TMC8: variants seen among roughly 807,000 people sequenced by gnomAD.
TMC8 encodes transmembrane channel like 8.
TMC8 carries 71 observed loss-of-function variants against 76.0 expected under a neutral mutation model. The ratio of observed to expected loss-of-function variants is 0.93; its 90% CI spans 0.77 to 1.14. The LOEUF is 1.14. TMC8 is among the 50% of genes most tolerant of loss of function. TMC8 has a pLI of 0.00. For synonymous variants in TMC8, 433 were observed against 433.8 expected (o/e 1.00, Z 0.02); for missense variants, 924 against 947.9 (o/e 0.97, Z 0.33).
chr17:78,137,083 G>T, intron 9 of TMC8, 152 bp from the exon 10 acceptor site: 3 of 1,216,730 alleles, frequency 2.5e-6, no homozygotes, highest in Non-Finnish European at 3.5e-6. Flanking sequence ...AACGCACTTT[G>T]GACCACATTG....
At position 78,134,363 on chromosome 17, in the gene TMC8, C is replaced by T. The variant is rs374229711; in HGVS notation, c.817-31C>T. ...TTTCCTCCCATGCCCACCCCGCCTG[C>T]AGCTGCCTCTGTCCCCACCCTTCCG... On this transcript the variant is annotated intron_variant, in intron 7 of 15. Coordinates refer to ENST00000318430, the MANE Select transcript of TMC8 (RefSeq NM_152468.5). 1.9e-5 allele frequency: 31 copies of T among 1,604,420 alleles called. No homozygotes were observed. The African/African-American group carries it at 4.0e-4, about 21-fold the overall frequency.
chr17:78,133,920 G>A lies in TMC8; in HGVS notation c.736G>A (p.Val246Ile), dbSNP rs373643486. The A allele has an allele frequency of 6.2e-7, 1 of 1,613,638 alleles. No homozygotes were observed. Among genetic ancestry groups the A allele is most frequent in the South Asian group, 1.1e-5 (1 of 91,090 alleles). Residue 246 changes from valine (V) to isoleucine (I), a missense_variant, in exon 7 of 16, where the codon GTC becomes ATC. Physicochemically the swap from Val to Ile is conservative, Grantham distance 29 (BLOSUM62 3). Coordinates refer to ENST00000318430, the MANE Select transcript of TMC8 (RefSeq NM_152468.5). ...CTATCAGGCGCCTCTCAGCGCCAAG[G>A]TCTTCTCCTCATGGGACTTCTGCAT... ...QGYQAPLSAKVFSSWDFCIRV... is the reference protein window; with the variant it reads ...QGYQAPLSAKIFSSWDFCIRV...
chr17:78,138,104 G>A lies in TMC8; in HGVS notation c.1449G>A (p.Thr483=), dbSNP rs762149608. The A allele has an allele frequency of 1.1e-5, 17 of 1,613,966 alleles. No individual in the cohort carries two copies. Among genetic ancestry groups the A allele is most frequent in the Admixed American group, 6.7e-5 (4 of 60,024 alleles). Residue 483 remains threonine, a synonymous_variant, in exon 12 of 16, where the codon ACG becomes ACA. Coordinates refer to ENST00000318430, the MANE Select transcript of TMC8 (RefSeq NM_152468.5). ...KNVLDIVAGQ[T]VTWMGLFYCP... is the part of the protein sequence containing the mutation. Reference sequence around the variant, plus strand: ...TGCTGGACATCGTGGCGGGGCAGACGGTCACCTGGATGGGCCTCTTCTACT... The same window carrying A: ...TGCTGGACATCGTGGCGGGGCAGACAGTCACCTGGATGGGCCTCTTCTACT...
intron 8 of TMC8, 42 bp from the exon 9 acceptor site, chr17:78,134,828 C>T (rs751446378): frequency 1.9e-6 from 3 of 1,610,540 alleles, no homozygotes; most frequent in East Asian, 4.5e-5. Context: ...CAGACAGGGG[C>T]CCCCCAGCAC....
chr17:78,131,471 C>G lies in TMC8; in HGVS notation c.-118C>G. Reference sequence around the variant, plus strand: ...CCGGCGCAGAGGGGACGGAAGGGCCCGCCCCCAGCCCAGCGTGCACAGAGG... The same window carrying G: ...CCGGCGCAGAGGGGACGGAAGGGCCGGCCCCCAGCCCAGCGTGCACAGAGG... On this transcript the variant is annotated 5_prime_UTR_variant, in exon 2 of 16. Transcript: ENST00000318430. The G allele has an allele frequency of 7.0e-7, 1 of 1,428,152 alleles. No individual in the cohort carries two copies. Among genetic ancestry groups the G allele is most frequent in the Non-Finnish European group, 9.5e-7 (1 of 1,052,252 alleles). 88.5% of individuals were successfully genotyped at this position (1,428,152 alleles called of 1,614,324 possible). A position where few individuals can be genotyped will look rare whatever the true frequency, so the allele number is the denominator to read the frequency against.
chr17:78,135,218 C>T (rs1383895509), intron 9 of TMC8, among the ~76,000 whole-genome samples: 1 of 152,206 alleles, frequency 6.6e-6, no homozygotes, highest in Non-Finnish European at 1.5e-5. Flanking sequence ...CCAAAGGAAG[C>T]CGCCAGTCTG....
At chr17:78,130,917 C>G (rs1568010161) in intron 1 of TMC8, 66 bp downstream of exon 1, 1 of 158,936 alleles carries the variant, frequency 6.3e-6, no homozygotes, top group Non-Finnish European at 1.4e-5. Flanking sequence ...AGCTAGAGCC[C>G]TGCAAGGGTA....
At chr17:78,137,962 T>G (rs1567803616) in intron 11 of TMC8, 43 bp from the exon 12 acceptor site, 3 of 1,611,598 alleles carry the variant, frequency 1.9e-6, no homozygotes, top group Admixed American at 3.3e-5. Flanking sequence ...AGCCCACGCA[T>G]CTGTCTGGAG....
intron 6 of TMC8, 147 bp downstream of exon 6, chr17:78,133,689 G>C (rs993338508): frequency 6.5e-7 from 1 of 1,532,554 alleles, no homozygotes; most frequent in Non-Finnish European, 8.8e-7. Context: ...GGCTCTGGCC[G>C]CAAACCTTAG....
At chr17:78,136,929 T>G in intron 9 of TMC8, 1 of 377,706 alleles carries the variant, frequency 2.6e-6, no homozygotes, top group South Asian at 2.2e-5. Flanking sequence ...AGAAATCGCT[T>G]GAACCCAGGA....
In TMC8 at chr17:78,137,296, C is replaced by T. The variant is rs1394318416; in HGVS notation, c.1189C>T (p.Leu397=). The part of the protein sequence containing the change: ...MFSVSLGQTI[L]CIGRDKSSCE... ...CTCCGTCTCCCTGGGTCAGACCATA[C>T]TGTGCATTGGCAGAGACAAGAGCAG... The change falls in exon 10 of 16, where the codon CTG becomes TTG. Residue 397 remains leucine (L), a synonymous_variant. Coordinates refer to ENST00000318430, the MANE Select transcript of TMC8 (RefSeq NM_152468.5). 6.2e-7 allele frequency: 1 copy of T among 1,614,038 alleles called. No homozygotes were observed. Among genetic ancestry groups the T allele is most frequent in the South Asian group, 1.1e-5 (1 of 91,086 alleles).
chr17:78,131,600 G>A lies in TMC8; in HGVS notation c.12G>A (p.Pro4=). 2 of 1,546,834 alleles carry A rather than the reference G, an allele frequency of 1.3e-6. No individual in the cohort carries two copies. Among genetic ancestry groups the A allele is most frequent in the Non-Finnish European group, 8.7e-7 (1 of 1,147,138 alleles). Reference sequence around the variant, plus strand: ...CCGTGCCCGCCGAGATGCTGCTGCCGCGGTCGGTGTCATCGGAGCGGGCCC... The same window carrying A: ...CCGTGCCCGCCGAGATGCTGCTGCCACGGTCGGTGTCATCGGAGCGGGCCC... MLL[P]RSVSSERAPG... is the part of the protein sequence containing the mutation. The change falls in exon 2 of 16, where the codon CCG becomes CCA. Residue 4 remains proline, a synonymous_variant. Coordinates refer to ENST00000318430, the MANE Select transcript of TMC8 (RefSeq NM_152468.5).
chr17:78,140,655 TG>T (rs2075351731), intron 15 of TMC8, among the ~76,000 whole-genome samples, 178 bp from the exon 16 acceptor site: 1 of 147,488 alleles, frequency 6.8e-6, no homozygotes, highest in African/African-American at 2.5e-5. Flanking sequence ...GGGACCCTGG[TG>T]GGGCGTGGCC....
chr17:78,134,636 G>A, intron 8 of TMC8, 72 bp downstream of exon 8: 9 of 1,591,606 alleles, frequency 5.7e-6, no homozygotes, highest in Non-Finnish European at 7.7e-6. Context: ...CCATTTTACA[G>A]ATGAGGAAAC....
chr17:78,138,587 T>G lies in TMC8; in HGVS notation c.1678T>G (p.Trp560Gly), dbSNP rs1434220569. The G allele has an allele frequency of 6.2e-7, 1 of 1,613,790 alleles. No homozygotes were observed. Among genetic ancestry groups the G allele is most frequent in the Non-Finnish European group, 8.5e-7 (1 of 1,180,034 alleles). ...ATCTCTCGCCAGCATCCACTCCTCC[T>G]GGGACTGCGGCCTCTTCACCAACTA... ...GYVVSSIHSSWDCGLFTNYSA... is the reference protein window; with the variant it reads ...GYVVSSIHSSGDCGLFTNYSA... Residue 560 changes from tryptophan (W) to glycine (G), a missense_variant, in exon 14 of 16, where the codon TGG (tryptophan) becomes GGG (glycine). Physicochemically the swap from Trp to Gly is radical, Grantham distance 184 (BLOSUM62 -2). Transcript: ENST00000318430.
rs749501955 is a variant in TMC8, at chr17:78,138,423, A to T, written c.1608A>T (p.Leu536=). 16 of 1,612,970 alleles carry T rather than the reference A, an allele frequency of 9.9e-6. No individual in the cohort carries two copies. The highest frequency in any genetic ancestry group is 1.3e-5 in the African/African-American group (1 of 75,038). Residue 536 remains leucine, a synonymous_variant, in exon 13 of 16, where the codon CTA becomes CTT. Coordinates refer to ENST00000318430, the MANE Select transcript of TMC8 (RefSeq NM_152468.5). ...RASSSTFFFQ[L]VLLLGLLLAA... ...CCAGCTCCACCTTCTTCTTCCAGCT[A>T]GTGCTCCTCCTGGGCCTGCTTCTGG...
chr17:78,134,830 C>T (rs754836845), intron 8 of TMC8, 40 bp from the exon 9 acceptor site: 20 of 1,611,648 alleles, frequency 1.2e-5, no homozygotes, highest in Non-Finnish European at 1.6e-5. Flanking sequence ...GACAGGGGCC[C>T]CCCAGCACGC....
At chr17:78,137,400 C>A in intron 10 of TMC8, 42 bp downstream of exon 10, 2 of 1,612,964 alleles carry the variant, frequency 1.2e-6, no homozygotes, top group South Asian at 2.2e-5. Flanking sequence ...CCTTCCTTCT[C>A]CCCAAAAAGC....
In TMC8 at chr17:78,137,719, C is replaced by G. The variant is rs542103664; in HGVS notation, c.1254C>G (p.Cys418Trp). 8 of 1,613,216 alleles carry G rather than the reference C, an allele frequency of 5.0e-6. No homozygotes were observed. Among genetic ancestry groups the G allele is most frequent in the Non-Finnish European group, 5.9e-6 (7 of 1,179,900 alleles). The change falls in exon 11 of 16, where the codon TGC (cysteine) becomes TGG (tryptophan). Residue 418 changes from cysteine (C) to tryptophan (W), a missense_variant and splice_region_variant. Physicochemically the swap from Cys to Trp is radical, Grantham distance 215 (BLOSUM62 -2). Transcript: ENST00000318430. ...SYGYNVCDYQCWENSVGEELY... is the reference protein window; with the variant it reads ...SYGYNVCDYQWWENSVGEELY... Reference sequence around the variant, plus strand: ...GGTCCCCTTCCCCTGCACCCCAGTGCTGGGAGAACTCCGTGGGGGAGGAGC... The same window carrying G: ...GGTCCCCTTCCCCTGCACCCCAGTGGTGGGAGAACTCCGTGGGGGAGGAGC...
Sources: allele counts gnomAD v4.1 joint callset (sites outside exome capture counted in the v4.1 genomes callset), GRCh38; gene constraint gnomAD v4.1.1; transcripts MANE v1.5; gene names NCBI Gene and HGNC (gene_info 2026-07-23, HGNC 2026-07-21).